Variants in GALNTL6 observed in about 807,000 individuals in gnomAD.
GALNTL6 encodes the protein polypeptide N-acetylgalactosaminyltransferase like 6, also known as polypeptide N-acetylgalactosaminyltransferase-like 6.
In GALNTL6, 46 loss-of-function variants were observed where a neutral mutation model predicts 73.7. The ratio of observed to expected loss-of-function variants is 0.62; its 90% CI spans 0.49 to 0.80. The LOEUF is 0.80. Ranked by LOEUF, GALNTL6 falls within the 30% of genes least tolerant of loss-of-function variation. GALNTL6 has a pLI of 0.00. For synonymous variants in GALNTL6, 259 were observed against 263.7 expected, an observed-to-expected ratio of 0.98 and a Z score of 0.17; for missense variants, 604 against 755.0, an observed-to-expected ratio of 0.80 and a Z score of 2.34.
At chr4:172,037,811 C>G (rs1270449213) in intron 2 of GALNTL6, among the ~76,000 whole-genome samples, 1 of 152,080 alleles carries the variant, frequency 6.6e-6, no homozygotes, top group African/African-American at 2.4e-5. Context: ...CCACCAATAA[C>G]TTAACTTTAA....
intron 11 of GALNTL6, among the ~76,000 whole-genome samples, chr4:173,019,043 G>C (rs1262682015): frequency 6.6e-6 from 1 of 152,164 alleles, no homozygotes; most frequent in East Asian, 1.9e-4. Flanking sequence ...GGGCATAGAA[G>C]GGAATGAACA....
rs545380292 is a variant in GALNTL6 at position 172,139,187 on chromosome 4, A to T, written c.139-90469A>T. The stretch of plus-strand genomic sequence containing the variant: ...ATATAAGTTTGGAAAATCATACTGG[A>T]CCTATAGGATCTTATAGGTCATGGT... On this transcript the variant is annotated intron_variant, in intron 2 of 12. Transcript: ENST00000506823. Among the ~76,000 whole-genome samples, 10 of 152,224 alleles carry T rather than the reference A, an allele frequency of 6.6e-5. No individual in the cohort carries two copies. In the South Asian group the frequency reaches 1.9e-3, roughly 28 times the overall value.
At chr4:171,913,338 T>C (rs890088121) in intron 2 of GALNTL6, among the ~76,000 whole-genome samples, 2 of 152,212 alleles carry the variant, frequency 1.3e-5, no homozygotes, top group Non-Finnish European at 2.9e-5. Context: ...ATCTTGTAAA[T>C]ATGTATTGCA....
At chr4:172,493,234 A>T (rs1733955545) in intron 5 of GALNTL6, among the ~76,000 whole-genome samples, 1 of 152,120 alleles carries the variant, frequency 6.6e-6, no homozygotes, top group Non-Finnish European at 1.5e-5. Flanking sequence ...AAACTTGATT[A>T]TTTTTGCAAG....
intron 7 of GALNTL6, among the ~76,000 whole-genome samples, chr4:172,818,908 T>C (rs944623410): frequency 1.3e-5 from 2 of 152,218 alleles, no homozygotes; most frequent in African/African-American, 4.8e-5. Flanking sequence ...CAATCATCCA[T>C]TTTATTCTCT....
At chr4:172,359,516 A>C (rs1307757925) in intron 5 of GALNTL6, among the ~76,000 whole-genome samples, 1 of 152,200 alleles carries the variant, frequency 6.6e-6, no homozygotes, top group Non-Finnish European at 1.5e-5. Context: ...TAAGAGTTAA[A>C]ATGACATCAG....
chr4:172,468,891 C>T (rs946804903), intron 5 of GALNTL6, among the ~76,000 whole-genome samples: 3 of 152,228 alleles, frequency 2.0e-5, no homozygotes, highest in African/African-American at 7.2e-5. Context: ...ACTCTACAAA[C>T]CTATTCTTCC....
intron 2 of GALNTL6, among the ~76,000 whole-genome samples, chr4:172,169,012 A>T (rs1030759659): frequency 2.0e-5 from 3 of 152,224 alleles, no homozygotes; most frequent in African/African-American, 7.2e-5. Flanking sequence ...GAAATCAGTG[A>T]AAATGTTCCT....
At chr4:171,818,932 G>T (rs1734607785) in intron 2 of GALNTL6, among the ~76,000 whole-genome samples, 1 of 151,876 alleles carries the variant, frequency 6.6e-6, no homozygotes, top group African/African-American at 2.4e-5. Flanking sequence ...TTTAAAACTT[G>T]TTTTATAACA....
At chr4:172,192,041 T>C (rs1301442431) in intron 2 of GALNTL6, among the ~76,000 whole-genome samples, 5 of 151,966 alleles carry the variant, frequency 3.3e-5, no homozygotes, top group Non-Finnish European at 7.4e-5. Flanking sequence ...TATTTCTAAG[T>C]ATAGAGCTGA....
chr4:172,240,351 G>A (rs1158760396), intron 3 of GALNTL6, among the ~76,000 whole-genome samples: 1 of 151,788 alleles, frequency 6.6e-6, no homozygotes, highest in East Asian at 1.9e-4. Flanking sequence ...AGCCTCCTAA[G>A]TAGCAGGGAC....
chr4:172,999,936 A>G (rs1751971178), intron 10 of GALNTL6, among the ~76,000 whole-genome samples: 1 of 152,106 alleles, frequency 6.6e-6, no homozygotes, highest in African/African-American at 2.4e-5. Flanking sequence ...TTTGTTCTCA[A>G]AAACATTTAA....
At chr4:172,036,836 A>G (rs1741942142) in intron 2 of GALNTL6, among the ~76,000 whole-genome samples, 1 of 152,146 alleles carries the variant, frequency 6.6e-6, no homozygotes, top group Admixed American at 6.6e-5. Context: ...GGTATATTTA[A>G]TTCATTGAAT....
intron 10 of GALNTL6, among the ~76,000 whole-genome samples, chr4:172,965,476 G>C (rs943334688): frequency 6.6e-6 from 1 of 151,984 alleles, no homozygotes; most frequent in Admixed American, 6.6e-5. Context: ...CCAGCTACTC[G>C]GGAGGCTGAG....
chr4:172,762,182 T>C (rs1052173001), intron 5 of GALNTL6, among the ~76,000 whole-genome samples: 3 of 152,260 alleles, frequency 2.0e-5, no homozygotes, highest in African/African-American at 7.2e-5. Flanking sequence ...TTTTCATTTT[T>C]TTAATAGCCT....
At chr4:172,797,086 GA>G (rs573143377) in intron 5 of GALNTL6, among the ~76,000 whole-genome samples, 1 of 151,910 alleles carries the variant, frequency 6.6e-6, no homozygotes. Context: ...AAATTCTTCT[GA>G]AAAAAACTGA....
In GALNTL6 at chr4:172,314,919, A is replaced by AT. The variant is rs554196532; in HGVS notation, c.386+3173dup. Among the ~76,000 whole-genome samples the AT allele has an allele frequency of 1.8e-3, 271 of 151,958 alleles. 1 individual carries two copies. The highest frequency in any genetic ancestry group is 4.6e-3 in the African/African-American group (191 of 41,448). On this transcript the variant is annotated intron_variant, in intron 4 of 12. Coordinates refer to ENST00000506823, the MANE Select transcript of GALNTL6 (RefSeq NM_001034845.3). ...GCCACTGTGCCAGGCCTGCATAGGG[A>AT]TTTTTTAAAGAAATTTTCTGATTCA...
chr4:172,446,265 G>T (rs1301702747), intron 5 of GALNTL6, among the ~76,000 whole-genome samples: 2 of 152,140 alleles, frequency 1.3e-5, no homozygotes, highest in Non-Finnish European at 2.9e-5. Context: ...CTTTAAGGTG[G>T]CAGAATTAGA....
chr4:172,570,923 T>A (rs1579199867), intron 5 of GALNTL6, among the ~76,000 whole-genome samples: 1 of 152,204 alleles, frequency 6.6e-6, no homozygotes, highest in East Asian at 1.9e-4. Context: ...TAGATCCCTC[T>A]CTTGAGCAGT....
Sources: gnomAD v4.1 joint callset for allele counts (sites outside exome capture counted in the v4.1 genomes callset) on GRCh38, gnomAD v4.1.1 for gene constraint, MANE v1.5 for transcripts, NCBI Gene and HGNC (gene_info 2026-07-23, HGNC 2026-07-21) for gene names.